Variants in ATR observed in about 807,000 individuals in gnomAD.
The protein encoded by ATR is serine/threonine-protein kinase ATR.
ATR carries 142 observed loss-of-function variants against 305.3 expected under a neutral mutation model. That is an observed-to-expected ratio of 0.47 (90% CI 0.41 to 0.53). ATR has a LOEUF of 0.53. ATR is among the 20% of genes least tolerant of loss of function. ATR has a pLI of 0.00. For synonymous variants in ATR, 1,050 were observed against 1,068.1 expected (o/e 0.98, Z 0.33); for missense variants, 2,135 against 3,133.1 (o/e 0.68, Z 7.60).
At chr3:142,511,982 G>A (rs1298540500) in intron 27 of ATR, among the ~76,000 whole-genome samples, 1 of 151,836 alleles carries the variant, frequency 6.6e-6, no homozygotes, top group African/African-American at 2.4e-5. Context: ...GCTGGGTGTG[G>A]TGGTGGGCAC....
chr3:142,467,870 T>C, intron 39 of ATR, 64 bp downstream of exon 39: 1 of 1,569,572 alleles, frequency 6.4e-7, no homozygotes, highest in South Asian at 1.2e-5. Context: ...AATGAAAAAA[T>C]CTGCTCAAAT....
rs763127779 is a variant in ATR, at chr3:142,457,661, C to T, written c.7598G>A (p.Arg2533Gln). 7.4e-6 allele frequency: 12 copies of T among 1,613,854 alleles called. No homozygotes were observed. Among genetic ancestry groups the T allele is most frequent in the South Asian group, 2.2e-5 (2 of 91,070 alleles). ...CCTCATTGTAACTTCACATGCTCTT[C>T]GAAAAAGACCCTCTGTTCCCATAGG... is the stretch of plus-strand genomic sequence containing the variant. ...MGPMGTEGLF[R>Q]RACEVTMRLM... Residue 2533 changes from arginine to glutamine, a missense_variant, in exon 45 of 47, where the codon CGA becomes CAA. By Grantham distance (43) the Arg-to-Gln change is conservative. Transcript: ENST00000350721.
At chr3:142,472,788 C>T (rs545566913) in intron 36 of ATR, among the ~76,000 whole-genome samples, 4 of 152,244 alleles carry the variant, frequency 2.6e-5, no homozygotes, top group African/African-American at 7.2e-5. Context: ...CAGGTGCATA[C>T]CACCACGCCC....
Position 142,512,466 on chromosome 3 carries a change from T to C in ATR, c.4646A>G (p.Tyr1549Cys), listed in dbSNP as rs2032628167. ...CTTTAGAACTGCCATAATTTCTGCA[T>C]AAACCTATGAGAATCATTTATAATT... ...GCNQEDQQEV[Y>C]AEIMAVLKHD... is the part of the protein sequence containing the mutation. The change falls in exon 27 of 47, where the codon TAT becomes TGT. Residue 1549 changes from tyrosine (Y) to cysteine (C), a missense_variant. Transcript: ENST00000350721. 1 of 1,601,912 alleles carries C rather than the reference T, an allele frequency of 6.2e-7. No homozygotes were observed. The highest frequency in any genetic ancestry group is 8.6e-7 in the Non-Finnish European group (1 of 1,169,500).
In ATR at chr3:142,578,515, C is replaced by T. The variant is rs1027950301; in HGVS notation, c.59+131G>A. The T allele has an allele frequency of 1.2e-5, 13 of 1,069,658 alleles. 1 individual carries two copies. The African/African-American group carries it at 1.3e-4, about 11-fold the overall frequency. The allele number at this position is 1,069,658 out of a possible 1,614,324, so 66.3% of individuals were successfully genotyped here. A position where few individuals can be genotyped will look rare whatever the true frequency, so the allele number is the denominator to read the frequency against. On this transcript the variant is annotated intron_variant, in intron 1 of 46. Coordinates refer to ENST00000350721, the MANE Select transcript of ATR (RefSeq NM_001184.4). ...AGAAGCGCCCAAATCAGCCACGGAGCATCTCCACAAGGGCCGCAGCGGGGG... is the reference window on the plus strand; with the variant it reads ...AGAAGCGCCCAAATCAGCCACGGAGTATCTCCACAAGGGCCGCAGCGGGGG...
At chr3:142,510,087 G>T (rs1369516410) in intron 27 of ATR, among the ~76,000 whole-genome samples, 4 of 135,136 alleles carry the variant, frequency 3.0e-5, no homozygotes, top group Non-Finnish European at 6.1e-5. Flanking sequence ...CTGCACTCCA[G>T]CTTGGGCTAT....
chr3:142,512,427 T>G lies in ATR; in HGVS notation c.4685A>C (p.His1562Pro), dbSNP rs1559953159. The G allele has an allele frequency of 6.2e-7, 1 of 1,613,634 alleles. No homozygotes were observed. Among genetic ancestry groups the G allele is most frequent in the Admixed American group, 1.7e-5 (1 of 59,992 alleles). The change falls in exon 27 of 47, where the codon CAT becomes CCT. Residue 1562 changes from histidine to proline, a missense_variant. This residue lies in a region of ATR where 202 missense variants were observed against 252.9 expected (regional missense o/e 0.80). Coordinates refer to ENST00000350721, the MANE Select transcript of ATR (RefSeq NM_001184.4). ...IMAVLKHDDQHTINTQDIASD... is the reference protein window; with the variant it reads ...IMAVLKHDDQPTINTQDIASD... Reference sequence around the variant, plus strand: ...TGCAATGTCTTGGGTATTTATGGTATGCTGATCGTCATGCTTTAGAACTGC... The same window carrying G: ...TGCAATGTCTTGGGTATTTATGGTAGGCTGATCGTCATGCTTTAGAACTGC...
rs2035263581 is a variant in ATR at position 142,571,582 on chromosome 3, T to C, written c.60-3428A>G. Among the ~76,000 whole-genome samples, 4 of 152,160 alleles carry C rather than the reference T, an allele frequency of 2.6e-5. No homozygotes were observed. The South Asian group carries it at 8.3e-4, about 32-fold the overall frequency. Reference sequence around the variant, plus strand: ...TACCTAGAGGATTCACAGTGGGTTATGTGTGAGTGATTAGCAAAGTCCATC... The same window carrying C: ...TACCTAGAGGATTCACAGTGGGTTACGTGTGAGTGATTAGCAAAGTCCATC... On this transcript the variant is annotated intron_variant, in intron 1 of 46. Coordinates refer to ENST00000350721, the MANE Select transcript of ATR (RefSeq NM_001184.4).
intron 18 of ATR, among the ~76,000 whole-genome samples, chr3:142,540,363 A>G (rs1454249501): frequency 6.6e-6 from 1 of 152,180 alleles, no homozygotes; most frequent in African/African-American, 2.4e-5. Context: ...AACATCTCTG[A>G]TACATACAAA....
At chr3:142,464,590 C>T (rs1003644107) in intron 41 of ATR, among the ~76,000 whole-genome samples, 1 of 152,142 alleles carries the variant, frequency 6.6e-6, no homozygotes, top group Non-Finnish European at 1.5e-5. Flanking sequence ...AATGAATGAA[C>T]TTTGAATAAT....
intron 30 of ATR, 80 bp from the exon 31 acceptor site, chr3:142,499,798 C>G: frequency 9.0e-7 from 1 of 1,113,878 alleles, no homozygotes; most frequent in East Asian, 2.5e-5. Flanking sequence ...TTTACATACT[C>G]TATTTATTAT....
At chr3:142,481,911 C>T (rs2108303726) in intron 36 of ATR, among the ~76,000 whole-genome samples, 1 of 152,198 alleles carries the variant, frequency 6.6e-6, no homozygotes, top group Non-Finnish European at 1.5e-5. Flanking sequence ...CAATCTCCAC[C>T]TCCTGGGCTC....
chr3:142,517,438 G>A (rs1577615626), intron 24 of ATR, among the ~76,000 whole-genome samples: 2 of 151,778 alleles, frequency 1.3e-5, no homozygotes, highest in Admixed American at 1.3e-4. Flanking sequence ...ATTTCCCTAG[G>A]TCCTCTGGAG....
intron 19 of ATR, 37 bp downstream of exon 19, chr3:142,538,445 A>T (rs2108431914): frequency 3.1e-6 from 5 of 1,589,654 alleles, no homozygotes; most frequent in Non-Finnish European, 4.3e-6. Context: ...TACAGTTTAA[A>T]AAGTTATTAT....
intron 42 of ATR, among the ~76,000 whole-genome samples, chr3:142,460,075 G>C (rs1336266460): frequency 6.6e-6 from 1 of 151,944 alleles, no homozygotes; most frequent in Non-Finnish European, 1.5e-5. Flanking sequence ...ATAGTCAACA[G>C]CAAGTTCTTT....
At chr3:142,507,682 A>G (rs941623266) in intron 28 of ATR, among the ~76,000 whole-genome samples, 9 of 152,174 alleles carry the variant, frequency 5.9e-5, no homozygotes, top group African/African-American at 2.2e-4. Flanking sequence ...CCAAGAAGCC[A>G]TTCCTGACCT....
At chr3:142,535,494 A>C (rs1282943447) in intron 20 of ATR, among the ~76,000 whole-genome samples, 1 of 152,124 alleles carries the variant, frequency 6.6e-6, no homozygotes, top group Non-Finnish European at 1.5e-5. Context: ...AGTTTCCCTT[A>C]ATTTACAAAG....
chr3:142,483,311 T>C (rs1435719187), intron 36 of ATR, among the ~76,000 whole-genome samples: 4 of 151,026 alleles, frequency 2.6e-5, no homozygotes, highest in South Asian at 2.1e-4. Flanking sequence ...GGAGAATGTA[T>C]GGAATGATAT....
intron 16 of ATR, 96 bp from the exon 17 acceptor site, chr3:142,542,853 C>CTAGATTTATATTATAATCATTTA (rs2034104561): frequency 9.8e-7 from 1 of 1,023,012 alleles, no homozygotes; most frequent in Non-Finnish European, 1.5e-6. Context: ...TATATTTTAC[C>CTAGATTTATATTATAATCATTTA]TAACTAGATT....
Sources: allele counts gnomAD v4.1 joint callset (sites outside exome capture counted in the v4.1 genomes callset), GRCh38; gene constraint gnomAD v4.1.1; regional missense constraint gnomAD v4.1.1; transcripts MANE v1.5; gene names NCBI Gene and HGNC (gene_info 2026-07-23, HGNC 2026-07-21).